CLEC16A: variants seen among roughly 807,000 people sequenced by gnomAD.
The protein encoded by CLEC16A is protein CLEC16A.
In CLEC16A, 51 loss-of-function variants were observed where a neutral mutation model predicts 109.5. The ratio of observed to expected loss-of-function variants is 0.47; its 90% CI spans 0.37 to 0.59. The LOEUF (loss-of-function observed/expected upper bound fraction) is 0.59, where lower values mean the gene tolerates loss of function less well. Among genes scored for constraint, CLEC16A ranks in the 20% least tolerant of loss-of-function variants. The pLI, the probability that CLEC16A is intolerant of heterozygous loss-of-function variation, is 0.00. For missense variants in CLEC16A, 1,339 were observed against 1,394.0 expected (o/e 0.96, Z 0.63); for synonymous variants, 673 against 564.2 (o/e 1.19, Z -2.73).
chr16:10,955,061 T>C (rs933088703), intron 1 of CLEC16A, among the ~76,000 whole-genome samples: 4 of 152,144 alleles, frequency 2.6e-5, no homozygotes, highest in Non-Finnish European at 2.9e-5. Flanking sequence ...CCCACCACTG[T>C]GTAGAATCTG....
intron 10 of CLEC16A, among the ~76,000 whole-genome samples, chr16:10,984,486 C>T (rs547847625): frequency 5.3e-5 from 8 of 152,270 alleles, no homozygotes; most frequent in South Asian, 4.1e-4. Context: ...GTGCCGTATT[C>T]GAGCTTTACA....
At chr16:11,091,410 G>A (rs1197067758) in intron 19 of CLEC16A, among the ~76,000 whole-genome samples, 1 of 152,238 alleles carries the variant, frequency 6.6e-6, no homozygotes, top group Non-Finnish European at 1.5e-5. Flanking sequence ...GTAGAGGCAA[G>A]AGCATGCTCT....
chr16:11,129,848 C>T (rs1054284405), intron 22 of CLEC16A, among the ~76,000 whole-genome samples: 2 of 151,924 alleles, frequency 1.3e-5, no homozygotes, highest in African/African-American at 2.4e-5. Flanking sequence ...CTGCAAGCTC[C>T]GCCTCCCGGG....
At chr16:11,008,083 G>GTC (rs1158591255) in intron 11 of CLEC16A, among the ~76,000 whole-genome samples, 4 of 152,310 alleles carry the variant, frequency 2.6e-5, no homozygotes, top group Admixed American at 2.0e-4. Context: ...CACACTCTCG[G>GTC]TCGTTGTCAG....
At chr16:11,108,515 C>G (rs2051359099) in intron 19 of CLEC16A, among the ~76,000 whole-genome samples, 1 of 152,240 alleles carries the variant, frequency 6.6e-6, no homozygotes, top group Non-Finnish European at 1.5e-5. Flanking sequence ...TGCAGCTAGC[C>G]CAGGTAGAGG....
Position 11,120,616 on chromosome 16 carries a change from T to C in CLEC16A, c.2118T>C (p.Asn706=), listed in dbSNP as rs1317963839. The change falls in exon 20 of 24, where the codon AAT becomes AAC. Residue 706 remains asparagine (N), a splice_region_variant and synonymous_variant. Coordinates refer to ENST00000409790, the MANE Select transcript of CLEC16A (RefSeq NM_015226.3). ...CTCTTCTCACCTTCCTCCTCCCAGA[T>C]AACAGCGACTTGATTGCATGTACAG... The part of the protein sequence containing the change: ...LIKTDDVLDL[N]NSDLIACTVI... 6.2e-7 allele frequency: 1 copy of C among 1,608,550 alleles called. No individual in the cohort carries two copies. The highest frequency in any genetic ancestry group is 2.2e-5 in the East Asian group (1 of 44,690).
At chr16:11,122,876 A>G (rs1246249701) in intron 20 of CLEC16A, among the ~76,000 whole-genome samples, 3 of 146,150 alleles carry the variant, frequency 2.1e-5, no homozygotes, top group East Asian at 2.0e-4. Context: ...TCTCTGCTCA[A>G]TGACCTTCCC....
At chr16:11,022,894 A>G (rs1313897622) in intron 12 of CLEC16A, among the ~76,000 whole-genome samples, 4 of 123,890 alleles carry the variant, frequency 3.2e-5, no homozygotes, top group South Asian at 2.5e-4. Flanking sequence ...GCGAGATTCC[A>G]TCTCAAAAAT....
At chr16:10,968,413 G>A (rs1444647757) in intron 3 of CLEC16A, among the ~76,000 whole-genome samples, 3 of 152,202 alleles carry the variant, frequency 2.0e-5, no homozygotes, top group African/African-American at 4.8e-5. Flanking sequence ...AGGGCCAGGC[G>A]CTGGGAGCTG....
At chr16:11,067,805 T>C (rs2048853092) in intron 19 of CLEC16A, among the ~76,000 whole-genome samples, 2 of 152,260 alleles carry the variant, frequency 1.3e-5, no homozygotes, top group Admixed American at 6.5e-5. Flanking sequence ...GCTCGGACAG[T>C]CTGGTTTGCC....
chr16:11,011,299 C>G (rs1252008957), intron 11 of CLEC16A, among the ~76,000 whole-genome samples: 1 of 152,190 alleles, frequency 6.6e-6, no homozygotes, highest in Admixed American at 6.5e-5. Flanking sequence ...CAGCCCTTGG[C>G]ATTCTGTTGT....
chr16:11,140,292 ATGGCTGGG>A (rs2053763457), intron 22 of CLEC16A, among the ~76,000 whole-genome samples: 1 of 152,140 alleles, frequency 6.6e-6, no homozygotes, highest in Non-Finnish European at 1.5e-5. Flanking sequence ...AACCTCACGG[ATGGCTGGG>A]TGGCAGGAAG....
chr16:10,971,342 A>T, intron 5 of CLEC16A, 112 bp downstream of exon 5: 1 of 865,152 alleles, frequency 1.2e-6, no homozygotes, highest in South Asian at 1.7e-5. Context: ...CACATTGATG[A>T]TGAGCCGTGG....
chr16:11,120,571 C>T (rs1174351238), intron 19 of CLEC16A, 44 bp from the exon 20 acceptor site: 1 of 1,563,072 alleles, frequency 6.4e-7, no homozygotes, highest in Non-Finnish European at 8.7e-7. Flanking sequence ...TCACCCTGGG[C>T]AGCCAGACTG....
intron 22 of CLEC16A, among the ~76,000 whole-genome samples, chr16:11,141,551 G>C (rs919684662): frequency 6.6e-6 from 1 of 152,228 alleles, no homozygotes; most frequent in African/African-American, 2.4e-5. Flanking sequence ...GTTTCATTCT[G>C]CGTGCTCTGG....
intron 19 of CLEC16A, among the ~76,000 whole-genome samples, chr16:11,096,573 C>T (rs1421035431): frequency 6.6e-6 from 1 of 152,272 alleles, no homozygotes; most frequent in East Asian, 1.9e-4. Flanking sequence ...ATTTAAAAAA[C>T]ACTTGTAACC....
At chr16:10,955,895 A>G (rs1225076987) in intron 1 of CLEC16A, among the ~76,000 whole-genome samples, 1 of 152,196 alleles carries the variant, frequency 6.6e-6, no homozygotes, top group Non-Finnish European at 1.5e-5. Context: ...GGGGCCCTGC[A>G]CCAAAAGTCC....
intron 1 of CLEC16A, among the ~76,000 whole-genome samples, chr16:10,952,211 G>C (rs1355929267): frequency 1.3e-5 from 2 of 152,188 alleles, no homozygotes; most frequent in African/African-American, 4.8e-5. Flanking sequence ...TTATTAAAAT[G>C]GGCCGGGTGA....
At chr16:11,033,330 A>G (rs1252634584) in intron 13 of CLEC16A, among the ~76,000 whole-genome samples, 1 of 152,170 alleles carries the variant, frequency 6.6e-6, no homozygotes, top group African/African-American at 2.4e-5. Flanking sequence ...GGTAAGGCTC[A>G]GGTTCCTGAC....
Sources: allele counts gnomAD v4.1 joint callset (sites outside exome capture counted in the v4.1 genomes callset), GRCh38; gene constraint gnomAD v4.1.1; transcripts MANE v1.5; gene names NCBI Gene and HGNC (gene_info 2026-07-23, HGNC 2026-07-21).